VAPA: variants seen among roughly 807,000 people sequenced by gnomAD.
VAPA encodes the protein VAMP associated protein A.
VAPA carries 6 observed loss-of-function variants against 25.6 expected under a neutral mutation model. That is an observed-to-expected ratio of 0.23 (90% CI 0.13 to 0.46). The LOEUF (loss-of-function observed/expected upper bound fraction) is 0.46. VAPA is among the 20% of genes least tolerant of loss of function. VAPA has a pLI of 0.99. For missense variants in VAPA, 244 were observed against 302.1 expected (o/e 0.81, Z 1.43); for synonymous variants, 112 against 106.2 (o/e 1.05, Z -0.34).
chr18:9,928,281 T>C (rs1341449642), intron 1 of VAPA, among the ~76,000 whole-genome samples: 2 of 152,120 alleles, frequency 1.3e-5, no homozygotes, highest in Non-Finnish European at 2.9e-5. Context: ...ATTTCAAGGA[T>C]CAGTTTTTCT....
intron 4 of VAPA, among the ~76,000 whole-genome samples, chr18:9,943,915 C>A (rs1342066832): frequency 8.6e-6 from 1 of 116,784 alleles, no homozygotes; most frequent in Non-Finnish European, 1.6e-5. Context: ...GGCTGGAGTG[C>A]AGTGGCGCGA....
rs2069539677 is a variant in VAPA, at chr18:9,955,544, A to G, written c.*1333A>G. ...AGTACAAGTGAATTTTTATTCTTAA[A>G]CATAGGTGTGTTGGCTCTTTTTTTA... On this transcript the variant is annotated 3_prime_UTR_variant, in exon 6 of 6. Transcript: ENST00000400000. The G allele has an allele frequency of 6.6e-6, 1 of 152,178 alleles. No individual in the cohort carries two copies. Among genetic ancestry groups the G allele is most frequent in the Non-Finnish European group, 1.5e-5 (1 of 68,030 alleles). The allele number at this position is 152,178 out of a possible 1,614,324, so 9.4% of individuals were successfully genotyped here. A position where few individuals can be genotyped will look rare whatever the true frequency, so the allele number is the denominator to read the frequency against.
rs2069577915 is a variant in VAPA at position 9,958,856 on chromosome 18, A to G, written c.*4645A>G. On this transcript the variant is annotated 3_prime_UTR_variant, in exon 6 of 6. Transcript: ENST00000400000. ...TGTGAATAAATGAGCTGTCATCGCA[A>G]AAAGGCGATTTGAGAAATGTGGGCT... The G allele has an allele frequency of 6.6e-6, 1 of 152,250 alleles. No homozygotes were observed. Among genetic ancestry groups the G allele is most frequent in the Non-Finnish European group, 1.5e-5 (1 of 68,044 alleles). The allele number at this position is 152,250 out of a possible 1,614,324, so 9.4% of individuals were successfully genotyped here.
intron 1 of VAPA, among the ~76,000 whole-genome samples, chr18:9,928,321 TA>T (rs2069220006): frequency 6.6e-6 from 1 of 152,124 alleles, no homozygotes; most frequent in East Asian, 1.9e-4. Flanking sequence ...TTTTCGTAAA[TA>T]AAAGATATAT....
At chr18:9,938,531 T>G (rs1275241195) in intron 4 of VAPA, among the ~76,000 whole-genome samples, 3 of 152,178 alleles carry the variant, frequency 2.0e-5, no homozygotes, top group East Asian at 1.9e-4. Context: ...GTTTTAGCGC[T>G]TGAACAAATA....
rs758425066 is a variant in VAPA, at chr18:9,955,729, G to A, written c.*1518G>A. Reference sequence around the variant, plus strand: ...TTTCAACTGTGTTTTGAATTTGTCAGATCACACATATATTGTGTTATTGGG... The same window carrying A: ...TTTCAACTGTGTTTTGAATTTGTCAAATCACACATATATTGTGTTATTGGG... On this transcript the variant is annotated 3_prime_UTR_variant, in exon 6 of 6. Coordinates refer to ENST00000400000, the MANE Select transcript of VAPA (RefSeq NM_194434.3). The A allele has an allele frequency of 6.6e-6, 1 of 152,140 alleles. No individual in the cohort carries two copies. The highest frequency in any genetic ancestry group is 1.5e-5 in the Non-Finnish European group (1 of 68,024). The allele number at this position is 152,140 out of a possible 1,614,324, so 9.4% of individuals were successfully genotyped here.
In VAPA at chr18:9,944,542, TAAG is replaced by T. The variant is rs1011671471; in HGVS notation, c.418-5848_418-5846del. On this transcript the variant is annotated intron_variant, in intron 4 of 5. Transcript: ENST00000400000. ...TGTTCAGATTGAGTGTTATCAAAGA[TAAG>T]AAGACATACAAGTGCTTGTTTTTCA... Among the ~76,000 whole-genome samples the T allele has an allele frequency of 7.2e-4, 110 of 152,304 alleles. 3 individuals are homozygous for T. The highest frequency in any genetic ancestry group is 2.3e-3 in the African/African-American group (94 of 41,570).
intron 1 of VAPA, among the ~76,000 whole-genome samples, chr18:9,920,129 T>G (rs1302168490): frequency 6.6e-6 from 1 of 152,062 alleles, no homozygotes; most frequent in Admixed American, 6.6e-5. Context: ...GTGAGAGAGA[T>G]GGAGGAGGAG....
chr18:9,953,933 T>C (rs915456269), intron 5 of VAPA, 120 bp from the exon 6 acceptor site: 8 of 1,222,994 alleles, frequency 6.5e-6, no homozygotes, highest in Non-Finnish European at 9.2e-6. Flanking sequence ...TAATCCCCTT[T>C]TCCGTCCCCA....
intron 1 of VAPA, among the ~76,000 whole-genome samples, chr18:9,922,691 C>G (rs1229144349): frequency 6.6e-6 from 1 of 151,770 alleles, no homozygotes; most frequent in Non-Finnish European, 1.5e-5. Context: ...CTAATTTGGA[C>G]CAGTGGCAAG....
At chr18:9,942,294 C>T (rs144831873) in intron 4 of VAPA, among the ~76,000 whole-genome samples, 26 of 152,230 alleles carry the variant, frequency 1.7e-4, no homozygotes, top group South Asian at 6.2e-4. Context: ...TTTAAAGAGT[C>T]GATCAAAATT....
chr18:9,936,900 C>T (rs1250203328), intron 3 of VAPA, 86 bp from the exon 4 acceptor site: 3 of 1,158,600 alleles, frequency 2.6e-6, no homozygotes, highest in African/African-American at 3.1e-5. Context: ...GGCAGCTTCA[C>T]TCATCTTTTA....
rs1053640111 is a variant in VAPA, at chr18:9,958,116, A to C, written c.*3905A>C. Reference sequence around the variant, plus strand: ...CTTTCAGCAGCATCAATTGCTAGGAACATTTCATTCATTTCCCTGTAATAT... The same window carrying C: ...CTTTCAGCAGCATCAATTGCTAGGACCATTTCATTCATTTCCCTGTAATAT... On this transcript the variant is annotated 3_prime_UTR_variant, in exon 6 of 6. Transcript: ENST00000400000. The C allele has an allele frequency of 2.6e-5, 4 of 152,238 alleles. No homozygotes were observed. Among genetic ancestry groups the C allele is most frequent in the African/African-American group, 9.6e-5 (4 of 41,468 alleles). The allele number at this position is 152,238 out of a possible 1,614,324, so 9.4% of individuals were successfully genotyped here.
chr18:9,920,611 G>C (rs537650471), intron 1 of VAPA, among the ~76,000 whole-genome samples: 1 of 152,296 alleles, frequency 6.6e-6, no homozygotes, highest in African/African-American at 2.4e-5. Context: ...TTTATTGTCA[G>C]CTCTTTACCC....
At chr18:9,916,555 G>T (rs1304066717) in intron 1 of VAPA, among the ~76,000 whole-genome samples, 21 of 152,310 alleles carry the variant, frequency 1.4e-4, no homozygotes, top group Admixed American at 1.4e-3. Context: ...TCAGTTTAAA[G>T]ATGGAGATGA....
At position 9,957,926 on chromosome 18, in the gene VAPA, G is replaced by C. The variant is rs951721070; in HGVS notation, c.*3715G>C. ...TGGTAGACTACCACCACGCTTCTTC[G>C]CGTAAGCAGTGGCATCTTGGGAATG... On this transcript the variant is annotated 3_prime_UTR_variant, in exon 6 of 6. Transcript: ENST00000400000. 1.3e-5 allele frequency: 2 copies of C among 152,184 alleles called. No individual in the cohort carries two copies. The highest frequency in any genetic ancestry group is 4.8e-5 in the African/African-American group (2 of 41,450). The allele number at this position is 152,184 out of a possible 1,614,324, so 9.4% of individuals were successfully genotyped here. A position where few individuals can be genotyped will look rare whatever the true frequency, so the allele number is the denominator to read the frequency against.
rs535161325 is a variant in VAPA, at chr18:9,954,852, A to G, written c.*641A>G. The G allele has an allele frequency of 6.5e-6, 1 of 152,792 alleles. No individual in the cohort carries two copies. Among genetic ancestry groups the G allele is most frequent in the African/African-American group, 2.4e-5 (1 of 41,586 alleles). The allele number at this position is 152,792 out of a possible 1,614,324, so 9.5% of individuals were successfully genotyped here. ...GCTTGTTTGTGTCTGTCGTGTTATT[A>G]GAGGGAACTCCACTATATATGGTCA... is the stretch of plus-strand genomic sequence containing the variant. On this transcript the variant is annotated 3_prime_UTR_variant, in exon 6 of 6. Coordinates refer to ENST00000400000, the MANE Select transcript of VAPA (RefSeq NM_194434.3).
Position 9,937,082 on chromosome 18 carries a change from T to C in VAPA, c.417+16T>C. 1 of 1,606,138 alleles carries C rather than the reference T, an allele frequency of 6.2e-7. No homozygotes were observed. The highest frequency in any genetic ancestry group is 1.3e-5 in the African/African-American group (1 of 74,690). Reference sequence around the variant, plus strand: ...TGATAAATTGGTAAGTAGGAGAATGTAAAAAAAATTGGGAGCTGTTGAGCT... The same window carrying C: ...TGATAAATTGGTAAGTAGGAGAATGCAAAAAAAATTGGGAGCTGTTGAGCT... On this transcript the variant is annotated intron_variant, in intron 4 of 5. Coordinates refer to ENST00000400000, the MANE Select transcript of VAPA (RefSeq NM_194434.3).
At chr18:9,946,403 A>T (rs553904729) in intron 4 of VAPA, among the ~76,000 whole-genome samples, 26 of 152,192 alleles carry the variant, frequency 1.7e-4, no homozygotes, top group African/African-American at 6.3e-4. Context: ...CACGTGGCCC[A>T]TGATGGCTTT....
Sources: allele counts gnomAD v4.1 joint callset (sites outside exome capture counted in the v4.1 genomes callset), GRCh38; gene constraint gnomAD v4.1.1; transcripts MANE v1.5; gene names NCBI Gene and HGNC (gene_info 2026-07-23, HGNC 2026-07-21).